Variants in CSMD3 observed in about 807,000 individuals in gnomAD.
CSMD3 encodes the protein CUB and sushi domain-containing protein 3.
A neutral mutation model predicts 435.2 loss-of-function variants in CSMD3; 177 were observed. The ratio of observed to expected loss-of-function variants is 0.41; its 90% CI spans 0.36 to 0.46. The LOEUF is 0.46. CSMD3 is among the 20% of genes least tolerant of loss of function. The pLI, the probability that CSMD3 is intolerant of heterozygous loss-of-function variation, is 0.34. For missense variants in CSMD3, 4,265 were observed against 4,504.6 expected (o/e 0.95, Z 1.52); for synonymous variants, 1,656 against 1,520.5 (o/e 1.09, Z -2.07).
At chr8:112,390,308 G>A (rs1275150909) in intron 36 of CSMD3, among the ~76,000 whole-genome samples, 1 of 152,154 alleles carries the variant, frequency 6.6e-6, no homozygotes, top group Non-Finnish European at 1.5e-5. Flanking sequence ...AAGACCTCAG[G>A]AGAAGGTGTC....
chr8:112,335,564 T>G, intron 44 of CSMD3, 90 bp from the exon 45 acceptor site: 1 of 1,127,162 alleles, frequency 8.9e-7, no homozygotes, highest in Non-Finnish European at 1.3e-6. Flanking sequence ...TTGCATATAT[T>G]TATATTCTAA....
At chr8:112,705,359 TACTC>T (rs1245852491) in intron 13 of CSMD3, among the ~76,000 whole-genome samples, 1 of 152,062 alleles carries the variant, frequency 6.6e-6, no homozygotes, top group Non-Finnish European at 1.5e-5. Context: ...CAGTATATCT[TACTC>T]ACTTCCCCAC....
intron 6 of CSMD3, among the ~76,000 whole-genome samples, chr8:112,987,522 T>C (rs2085298985): frequency 6.6e-6 from 1 of 152,122 alleles, no homozygotes; most frequent in Non-Finnish European, 1.5e-5. Flanking sequence ...AAAGGTAACC[T>C]ATGAGCTAAT....
chr8:112,722,452 T>C (rs1490808651), intron 13 of CSMD3, among the ~76,000 whole-genome samples: 1 of 152,204 alleles, frequency 6.6e-6, no homozygotes, highest in Admixed American at 6.5e-5. Flanking sequence ...AAGATGCTTA[T>C]GTATTTACGG....
intron 22 of CSMD3, among the ~76,000 whole-genome samples, chr8:112,594,345 C>T (rs1434471848): frequency 5.3e-5 from 8 of 152,150 alleles, no homozygotes; most frequent in Admixed American, 2.0e-4. Context: ...GATTATATCC[C>T]GCACCCGGCT....
intron 10 of CSMD3, among the ~76,000 whole-genome samples, chr8:112,877,224 C>T (rs935848110): frequency 2.0e-5 from 3 of 151,896 alleles, no homozygotes. Context: ...CATCAAGCTA[C>T]CATTGACTTT....
chr8:112,708,393 A>G (rs1011348799), intron 13 of CSMD3, among the ~76,000 whole-genome samples: 2 of 152,072 alleles, frequency 1.3e-5, no homozygotes, highest in Non-Finnish European at 2.9e-5. Flanking sequence ...TTTAGAATAA[A>G]TAAGAAACAA....
intron 1 of CSMD3, among the ~76,000 whole-genome samples, chr8:113,347,439 G>A (rs1035788561): frequency 1.3e-5 from 2 of 152,026 alleles, no homozygotes; most frequent in Admixed American, 6.6e-5. Flanking sequence ...AAAATCAGGC[G>A]GTTTTGTAAT....
chr8:112,921,021 A>G (rs1297884094), intron 10 of CSMD3, among the ~76,000 whole-genome samples: 2 of 150,674 alleles, frequency 1.3e-5, no homozygotes, highest in Admixed American at 6.7e-5. Context: ...ACACACACAC[A>G]CACACACACA....
At chr8:113,264,700 TTCG>T (rs536765653) in intron 3 of CSMD3, among the ~76,000 whole-genome samples, 233 of 151,652 alleles carry the variant, frequency 1.5e-3, no homozygotes, top group African/African-American at 5.5e-3. Flanking sequence ...CATAAATAAT[TTCG>T]TCTATTTTTA....
intron 22 of CSMD3, among the ~76,000 whole-genome samples, chr8:112,626,396 C>T (rs571723658): frequency 3.3e-5 from 5 of 152,004 alleles, no homozygotes; most frequent in Non-Finnish European, 7.4e-5. Context: ...AGTGCATTAC[C>T]AGATGACAAA....
intron 50 of CSMD3, chr8:112,310,560 T>C (rs1195695585): frequency 8.4e-6 from 2 of 238,128 alleles, no homozygotes; most frequent in Non-Finnish European, 1.7e-5. Flanking sequence ...CTCTTAAATT[T>C]GTTGCTGTGA....
At chr8:112,556,546 C>T (rs919095347) in intron 25 of CSMD3, among the ~76,000 whole-genome samples, 2 of 151,876 alleles carry the variant, frequency 1.3e-5, no homozygotes, top group Admixed American at 6.6e-5. Flanking sequence ...TTGTCCCCCA[C>T]AAACTAGAAG....
intron 1 of CSMD3, chr8:113,377,308 T>C (rs959094387): frequency 1.0e-5 from 2 of 192,056 alleles, no homozygotes; most frequent in African/African-American, 4.7e-5. Flanking sequence ...AAGTTTACCT[T>C]CATTAACATC....
chr8:112,500,855 A>G (rs1046355553), intron 30 of CSMD3, among the ~76,000 whole-genome samples: 2 of 151,764 alleles, frequency 1.3e-5, no homozygotes, highest in African/African-American at 4.8e-5. Flanking sequence ...CCATGAGTAC[A>G]GTAAGGAGAA....
At chr8:112,880,992 GT>G (rs1166233510) in intron 10 of CSMD3, among the ~76,000 whole-genome samples, 5 of 151,900 alleles carry the variant, frequency 3.3e-5, no homozygotes, top group African/African-American at 1.2e-4. Flanking sequence ...GTACAACATG[GT>G]TTGAAATATC....
rs2130279157 is a variant in CSMD3 at position 112,255,383 on chromosome 8, C to T, written c.9907G>A (p.Glu3303Lys). The change falls in exon 62 of 71, where the codon GAA (glutamate) becomes AAA (lysine). Residue 3303 changes from glutamate to lysine, a missense_variant. Coordinates refer to ENST00000297405, the MANE Select transcript of CSMD3 (RefSeq NM_198123.2). ...DPGIPAQGKREGKSFIYQSEV... is the reference protein window; with the variant it reads ...DPGIPAQGKRKGKSFIYQSEV... ...GACTGGTATATAAAGCTTTTGCCTT[C>T]TCTTTTTCCTTGGGCAGGTATACCA... is the stretch of plus-strand genomic sequence containing the variant. 2 of 1,613,710 alleles carry T rather than the reference C, an allele frequency of 1.2e-6. No individual in the cohort carries two copies. Among genetic ancestry groups the T allele is most frequent in the South Asian group, 2.2e-5 (2 of 91,068 alleles).
At chr8:113,354,680 C>T (rs2094210325) in intron 1 of CSMD3, among the ~76,000 whole-genome samples, 1 of 152,170 alleles carries the variant, frequency 6.6e-6, no homozygotes, top group Non-Finnish European at 1.5e-5. Flanking sequence ...AACTCTGTTG[C>T]CCAGGCTGGA....
chr8:113,392,362 C>T (rs2094464580), intron 1 of CSMD3, among the ~76,000 whole-genome samples: 1 of 151,938 alleles, frequency 6.6e-6, no homozygotes, highest in African/African-American at 2.4e-5. Context: ...ATGTATGTGC[C>T]CTAAATAATT....
Sources: allele counts gnomAD v4.1 joint callset (sites outside exome capture counted in the v4.1 genomes callset), GRCh38; gene constraint gnomAD v4.1.1; transcripts MANE v1.5; gene names NCBI Gene and HGNC (gene_info 2026-07-23, HGNC 2026-07-21).